The following HERC1 variants were observed in gnomAD, a reference collection of about 807,000 sequenced individuals.
The protein encoded by HERC1 is probable E3 ubiquitin-protein ligase HERC1.
In HERC1, 160 loss-of-function variants were observed where a neutral mutation model predicts 554.3. That is an observed-to-expected ratio of 0.29 (90% confidence interval 0.25 to 0.33). The LOEUF (loss-of-function observed/expected upper bound fraction) is 0.33, where lower values mean the gene tolerates loss of function less well. Ranked by LOEUF, HERC1 falls within the 10% of genes least tolerant of loss-of-function variation. The pLI, the probability that HERC1 is intolerant of heterozygous loss-of-function variation, is 1.00. For missense variants in HERC1, 4,919 were observed against 5,918.5 expected, an observed-to-expected ratio of 0.83 and a Z score of 5.54; for synonymous variants, 2,175 against 2,131.7, an observed-to-expected ratio of 1.02 and a Z score of -0.56.
At chr15:63,740,235 G>A (rs966953830) in intron 12 of HERC1, among the ~76,000 whole-genome samples, 2 of 152,068 alleles carry the variant, frequency 1.3e-5, no homozygotes, top group South Asian at 2.1e-4. Context: ...TAGAAGGTTC[G>A]GTTAGGTTGT....
intron 19 of HERC1, among the ~76,000 whole-genome samples, chr15:63,722,444 C>T (rs1275930404): frequency 6.6e-6 from 1 of 152,204 alleles, no homozygotes; most frequent in Non-Finnish European, 1.5e-5. Context: ...CGGAATATAA[C>T]AGTCTCCCTT....
chr15:63,824,868 C>G (rs1017799250), intron 1 of HERC1, among the ~76,000 whole-genome samples: 3 of 150,874 alleles, frequency 2.0e-5, no homozygotes, highest in African/African-American at 7.3e-5. Context: ...ACTAAATGAT[C>G]TCTTCTATAT....
At chr15:63,726,882 A>T (rs909836356) in intron 17 of HERC1, among the ~76,000 whole-genome samples, 1 of 152,086 alleles carries the variant, frequency 6.6e-6, no homozygotes, top group African/African-American at 2.4e-5. Flanking sequence ...ATGAAAAAAT[A>T]AAATTATAGA....
At chr15:63,739,905 A>G (rs959830124) in intron 12 of HERC1, among the ~76,000 whole-genome samples, 3 of 151,690 alleles carry the variant, frequency 2.0e-5, no homozygotes, top group African/African-American at 7.3e-5. Context: ...TTCTTCACTT[A>G]GCATATTTTA....
chr15:63,698,822 C>T lies in HERC1; in HGVS notation c.4811G>A (p.Gly1604Glu). The change falls in exon 26 of 78, where the codon GGG (glycine) becomes GAG (glutamate). Residue 1604 changes from glycine to glutamate, a missense_variant. By Grantham distance (98) the Gly-to-Glu change is moderately conservative. This residue lies in a region of HERC1 where 1,121 missense variants were observed against 1,244.0 expected (regional missense o/e 0.90). Transcript: ENST00000443617. ...NVVSFVSGDV[G>E]NAPGFKEPEE... ...TGGCTCTTTAAAACCTGGGGCATTC[C>T]CCACATCTCCACTCACAAAGCTTAC... The T allele has an allele frequency of 1.2e-6, 2 of 1,613,840 alleles. No individual in the cohort carries two copies. The highest frequency in any genetic ancestry group is 1.7e-6 in the Non-Finnish European group (2 of 1,179,828).
intron 10 of HERC1, among the ~76,000 whole-genome samples, chr15:63,748,246 T>C (rs2075127206): frequency 6.6e-6 from 1 of 152,006 alleles, no homozygotes; most frequent in Admixed American, 6.6e-5. Context: ...TATATACATA[T>C]ATACATTAAA....
intron 74 of HERC1, among the ~76,000 whole-genome samples, chr15:63,616,901 T>C (rs1225102257): frequency 1.3e-5 from 2 of 152,330 alleles, no homozygotes; most frequent in Non-Finnish European, 2.9e-5. Flanking sequence ...ACCGTAGTTA[T>C]TGTTTCACAC....
chr15:63,829,557 GTGTGTATATATATA>G lies in HERC1; in HGVS notation c.-27+4256_-27+4269del, dbSNP rs1279704671. Among the ~76,000 whole-genome samples, 3 of 66,200 alleles carry G rather than the reference GTGTGTATATATATA, an allele frequency of 4.5e-5. 1 individual carries two copies. The highest frequency in any genetic ancestry group is 1.8e-4 in the African/African-American group (3 of 16,316). The allele number at this position is 66,200 out of a possible 152,430, so 43.4% of individuals were successfully genotyped here. A position where few individuals can be genotyped will look rare whatever the true frequency, so the allele number is the denominator to read the frequency against. On this transcript the variant is annotated intron_variant, in intron 1 of 77. Transcript: ENST00000443617. Reference sequence around the variant, plus strand: ...CACATATATGTATGTGTGTGTGTGTGTGTGTATATATATATATATATATATATATATATATATAA... The same window carrying G: ...CACATATATGTATGTGTGTGTGTGTGTATATATATATATATATATATATAA...
intron 55 of HERC1, among the ~76,000 whole-genome samples, chr15:63,646,428 GA>G (rs1278792736): frequency 6.6e-6 from 1 of 150,580 alleles, no homozygotes; most frequent in Non-Finnish European, 1.5e-5. Context: ...TGCAACAACA[GA>G]ACATTAAGTC....
chr15:63,610,587 G>GC (rs1317381007), intron 77 of HERC1, among the ~76,000 whole-genome samples: 2 of 152,292 alleles, frequency 1.3e-5, no homozygotes, highest in African/African-American at 4.8e-5. Flanking sequence ...ACAGTTCTTG[G>GC]CAAGTCATGC....
At chr15:63,647,803 A>G (rs556656191) in intron 55 of HERC1, among the ~76,000 whole-genome samples, 48 of 152,306 alleles carry the variant, frequency 3.2e-4, no homozygotes, top group Middle Eastern at 3.4e-3. Flanking sequence ...TTAAAAAGAC[A>G]AAAAACAACA....
chr15:63,822,065 T>C (rs1213253524), intron 1 of HERC1, among the ~76,000 whole-genome samples: 2 of 152,166 alleles, frequency 1.3e-5, no homozygotes, highest in Non-Finnish European at 2.9e-5. Flanking sequence ...GCACTCTCTT[T>C]AAACAGAAGC....
At chr15:63,630,752 C>T (rs2152801552) in intron 68 of HERC1, 117 bp from the exon 69 acceptor site, 1 of 967,000 alleles carries the variant, frequency 1.0e-6, no homozygotes, top group African/African-American at 1.6e-5. Flanking sequence ...ACACATATAA[C>T]TCAACTGAGG....
rs777473302 is a variant in HERC1 at position 63,692,335 on chromosome 15, C to T, written c.5830+76G>A. On this transcript the variant is annotated intron_variant, in intron 31 of 77. Transcript: ENST00000443617. This position sits in a 1 kb window ranked among gnomAD's most constrained non-coding sequence, Gnocchi z 4.7. ...AATCAAGGTTACACATGGAGTGTTG[C>T]TAAAGTCTGGCATTATCTTAATAAA... The T allele has an allele frequency of 1.5e-5, 17 of 1,170,524 alleles. No individual in the cohort carries two copies. Among genetic ancestry groups the T allele is most frequent in the African/African-American group, 1.6e-5 (1 of 64,218 alleles). The allele number at this position is 1,170,524 out of a possible 1,614,324, so 72.5% of individuals were successfully genotyped here. A position where few individuals can be genotyped will look rare whatever the true frequency, so the allele number is the denominator to read the frequency against.
intron 24 of HERC1, among the ~76,000 whole-genome samples, chr15:63,707,916 A>T (rs1354771959): frequency 7.6e-6 from 1 of 132,060 alleles, no homozygotes; most frequent in African/African-American, 3.0e-5. Flanking sequence ...ATGACAGAGC[A>T]AGACTCCCTC....
intron 2 of HERC1, 141 bp from the exon 3 acceptor site, chr15:63,764,332 A>G (rs1385426213): frequency 1.2e-5 from 7 of 607,682 alleles, no homozygotes; most frequent in Non-Finnish European, 2.0e-5. Flanking sequence ...TCCTAACATT[A>G]GGTCATGAAA....
rs1263079236 is a variant in HERC1 at position 63,674,384 on chromosome 15, GA to G, written c.7803del (p.His2602MetfsTer46). On this transcript the variant is annotated frameshift_variant, in exon 38 of 78. Coordinates refer to ENST00000443617, the MANE Select transcript of HERC1 (RefSeq NM_003922.4). LOFTEE classifies it high-confidence loss of function. The part of the protein sequence containing the change: ...RAQAMIYKLV[V>X]HGLLEDQFGG... ...CCAAACTGGTCTTCCAAAAGCCCATGAACCACTAATTTATAGATCATGGCTT... is the reference window on the plus strand; with the variant it reads ...CCAAACTGGTCTTCCAAAAGCCCATGACCACTAATTTATAGATCATGGCTT... 6.2e-7 allele frequency: 1 copy of G among 1,612,696 alleles called. No homozygotes were observed. The highest frequency in any genetic ancestry group is 8.5e-7 in the Non-Finnish European group (1 of 1,179,558).
In HERC1 at chr15:63,694,214, G is replaced by A. The variant is rs2072279207; in HGVS notation, c.5481-57C>T. 1.3e-6 allele frequency: 2 copies of A among 1,564,106 alleles called. No homozygotes were observed. The highest frequency in any genetic ancestry group is 1.7e-6 in the Non-Finnish European group (2 of 1,153,722). On this transcript the variant is annotated intron_variant, in intron 29 of 77. Coordinates refer to ENST00000443617, the MANE Select transcript of HERC1 (RefSeq NM_003922.4). This position sits in a 1 kb window ranked among gnomAD's most constrained non-coding sequence, Gnocchi z 4.3. ...AAACACACAGAAGGGCAAGCATAGT[G>A]CTTAAATACATAAAGCAGATTAGAG...
chr15:63,652,826 T>A (rs1048276203), intron 51 of HERC1, among the ~76,000 whole-genome samples: 4 of 152,144 alleles, frequency 2.6e-5, no homozygotes, highest in African/African-American at 9.7e-5. Context: ...AATTTTTGTA[T>A]TTTTAGTAGA....
Sources: allele counts gnomAD v4.1 joint callset (sites outside exome capture counted in the v4.1 genomes callset), GRCh38; gene constraint gnomAD v4.1.1; regional missense constraint gnomAD v4.1.1; non-coding constraint Gnocchi (gnomAD v3.1); transcripts MANE v1.5; gene names NCBI Gene and HGNC (gene_info 2026-07-23, HGNC 2026-07-21).